IMMP2L: variants seen among roughly 807,000 people sequenced by gnomAD.
The protein encoded by IMMP2L is mitochondrial inner membrane protease subunit 2.
Under a neutral mutation model 19.3 loss-of-function variants are expected in IMMP2L, and 18 were observed. That is an observed-to-expected ratio of 0.93 (90% confidence interval 0.64 to 1.38). The LOEUF is 1.38. Ranked by LOEUF, IMMP2L falls within the 40% of genes most tolerant of loss-of-function variation. The pLI, the probability that IMMP2L is intolerant of heterozygous loss-of-function variation, is 0.00. For missense variants in IMMP2L, 233 were observed against 218.2 expected (o/e 1.07, Z -0.43); for synonymous variants, 76 against 73.0 (o/e 1.04, Z -0.21).
intron 3 of IMMP2L, among the ~76,000 whole-genome samples, chr7:111,212,930 C>G (rs1402568527): frequency 6.6e-6 from 1 of 152,164 alleles, no homozygotes; most frequent in Non-Finnish European, 1.5e-5. Flanking sequence ...ATCCTCATGA[C>G]GGCAGCCCAT....
intron 4 of IMMP2L, among the ~76,000 whole-genome samples, chr7:110,939,442 G>A (rs944787191): frequency 7.3e-5 from 11 of 150,664 alleles, no homozygotes; most frequent in Non-Finnish European, 1.3e-4. Context: ...AGTACACAGG[G>A]AATAAAAAAA....
chr7:110,989,092 G>A (rs1051529017), intron 3 of IMMP2L, among the ~76,000 whole-genome samples: 2 of 152,126 alleles, frequency 1.3e-5, no homozygotes, highest in South Asian at 4.1e-4. Flanking sequence ...AAAATTAGCC[G>A]GGTGTCGTGG....
intron 5 of IMMP2L, among the ~76,000 whole-genome samples, chr7:110,785,749 A>T (rs1018885620): frequency 6.6e-6 from 1 of 152,008 alleles, no homozygotes; most frequent in Non-Finnish European, 1.5e-5. Flanking sequence ...TCTGATCAAC[A>T]GGCTATATCA....
chr7:110,903,390 C>G (rs1190334529), intron 4 of IMMP2L, among the ~76,000 whole-genome samples: 1 of 152,098 alleles, frequency 6.6e-6, no homozygotes, highest in Admixed American at 6.5e-5. Flanking sequence ...AAACTTTATG[C>G]CTGCAGATTA....
At chr7:111,410,614 A>C (rs1171002690) in intron 3 of IMMP2L, among the ~76,000 whole-genome samples, 1 of 151,732 alleles carries the variant, frequency 6.6e-6, no homozygotes, top group African/African-American at 2.4e-5. Flanking sequence ...CAATTAACAA[A>C]GATAACAAAA....
chr7:111,560,757 A>G (rs1027463104), intron 1 of IMMP2L, among the ~76,000 whole-genome samples: 2 of 152,236 alleles, frequency 1.3e-5, no homozygotes, highest in African/African-American at 4.8e-5. Context: ...AGTGCTGATA[A>G]AAGTGCGTAG....
intron 5 of IMMP2L, among the ~76,000 whole-genome samples, chr7:110,743,205 G>A (rs369448613): frequency 2.0e-5 from 3 of 152,128 alleles, no homozygotes; most frequent in African/African-American, 4.8e-5. Context: ...GGAGAGCTAT[G>A]TGGTCTCTAG....
intron 4 of IMMP2L, among the ~76,000 whole-genome samples, chr7:110,932,602 C>T (rs1300355167): frequency 3.3e-5 from 5 of 152,188 alleles, no homozygotes; most frequent in African/African-American, 1.2e-4. Context: ...GATCTACCCA[C>T]CTCGGCCTCC....
At chr7:111,471,932 T>C (rs113605964) in intron 3 of IMMP2L, among the ~76,000 whole-genome samples, 3,075 of 152,168 alleles carry the variant, frequency 0.02, 103 homozygotes, top group African/African-American at 0.07. Context: ...ACCTAGCTAC[T>C]GGAAACAAAA....
At chr7:111,166,319 C>G (rs941809795) in intron 3 of IMMP2L, among the ~76,000 whole-genome samples, 3 of 152,030 alleles carry the variant, frequency 2.0e-5, no homozygotes, top group Non-Finnish European at 4.4e-5. Context: ...AAGTTCTTAT[C>G]CAGAAGTATA....
rs201166847 is a variant in IMMP2L at position 111,519,873 on chromosome 7, G to GA, written c.135+1439dup. 5.4e-3 allele frequency among the ~76,000 whole-genome samples: 818 copies of GA among 151,790 alleles called. 12 individuals are homozygous for GA. Among genetic ancestry groups the GA allele is most frequent in the African/African-American group, 0.018 (749 of 41,454 alleles). On this transcript the variant is annotated intron_variant, in intron 2 of 5. Transcript: ENST00000405709. ...CAAGACAGCAGTAACAAAATTGGGG[G>GA]AAAAAAAATCATTCTTAAACTGATT...
chr7:111,003,185 C>T (rs1046870397), intron 3 of IMMP2L, among the ~76,000 whole-genome samples: 2 of 152,076 alleles, frequency 1.3e-5, no homozygotes, highest in Non-Finnish European at 2.9e-5. Context: ...GGCTCTAAAA[C>T]TGTTATTACT....
chr7:111,034,918 A>G (rs1331039290), intron 3 of IMMP2L, among the ~76,000 whole-genome samples: 1 of 152,150 alleles, frequency 6.6e-6, no homozygotes, highest in East Asian at 1.9e-4. Flanking sequence ...AATAAAACCA[A>G]AACAGACAGA....
intron 3 of IMMP2L, among the ~76,000 whole-genome samples, chr7:111,419,877 A>T (rs1345076721): frequency 2.6e-5 from 4 of 151,852 alleles, no homozygotes; most frequent in Non-Finnish European, 4.4e-5. Flanking sequence ...TGTCCTATTC[A>T]TAGAAAAAGA....
intron 3 of IMMP2L, among the ~76,000 whole-genome samples, chr7:111,436,157 C>T (rs372403537): frequency 1.3e-4 from 20 of 151,504 alleles, no homozygotes; most frequent in East Asian, 9.6e-4. Flanking sequence ...AGTCCAATGG[C>T]GGAGGCTGGA....
chr7:110,918,664 C>T (rs1030050194), intron 4 of IMMP2L, among the ~76,000 whole-genome samples: 12 of 151,806 alleles, frequency 7.9e-5, no homozygotes, highest in Admixed American at 5.3e-4. Context: ...CCATGTTGGC[C>T]AGGCTGGTCT....
intron 2 of IMMP2L, among the ~76,000 whole-genome samples, chr7:111,504,872 G>C (rs1321244637): frequency 3.3e-5 from 5 of 151,818 alleles, no homozygotes; most frequent in Admixed American, 2.0e-4. Context: ...AAAAACCCTA[G>C]AAGAAAACCT....
chr7:110,688,540 G>T (rs1226506474), intron 5 of IMMP2L, among the ~76,000 whole-genome samples: 1 of 151,612 alleles, frequency 6.6e-6, no homozygotes, highest in Non-Finnish European at 1.5e-5. Flanking sequence ...CACCACAAAC[G>T]CATAAGACTA....
At chr7:111,410,501 T>C (rs910083633) in intron 3 of IMMP2L, among the ~76,000 whole-genome samples, 2 of 151,316 alleles carry the variant, frequency 1.3e-5, no homozygotes, top group African/African-American at 4.9e-5. Flanking sequence ...TAAATACTAA[T>C]ATTCAATGCC....
Sources: allele counts gnomAD v4.1 joint callset (sites outside exome capture counted in the v4.1 genomes callset), GRCh38; gene constraint gnomAD v4.1.1; transcripts MANE v1.5; gene names NCBI Gene and HGNC (gene_info 2026-07-23, HGNC 2026-07-21).